QRSL1: variants seen among roughly 807,000 people sequenced by gnomAD.
The protein encoded by QRSL1 is glutamyl-tRNA(Gln) amidotransferase subunit A, mitochondrial.
QRSL1 carries 54 observed loss-of-function variants against 61.6 expected under a neutral mutation model. The observed-to-expected ratio is 0.88, with a 90% CI of 0.70 to 1.10. The LOEUF (loss-of-function observed/expected upper bound fraction) is 1.10. Ranked by LOEUF, QRSL1 falls within the 50% of genes least tolerant of loss-of-function variation. The pLI is 0.00. For missense variants in QRSL1, 505 were observed against 622.6 expected (o/e 0.81, Z 2.01); for synonymous variants, 228 against 225.7 (o/e 1.01, Z -0.09).
At chr6:106,644,047 T>C (rs937401489) in intron 4 of QRSL1, among the ~76,000 whole-genome samples, 3 of 152,066 alleles carry the variant, frequency 2.0e-5, no homozygotes, top group Non-Finnish European at 4.4e-5. Flanking sequence ...AAGTTTTGTA[T>C]TTTTAGTAGA....
intron 9 of QRSL1, among the ~76,000 whole-genome samples, chr6:106,658,917 T>C (rs1037400869): frequency 3.9e-5 from 6 of 152,182 alleles, no homozygotes; most frequent in Non-Finnish European, 7.3e-5. Context: ...TGTATATTAA[T>C]CTGCCTGATG....
rs7740531 is a variant in QRSL1 at position 106,635,820 on chromosome 6, G to A, written c.25-4529G>A. 4.7e-3 allele frequency among the ~76,000 whole-genome samples: 713 copies of A among 150,914 alleles called. 8 individuals are homozygous for A. Among genetic ancestry groups the A allele is most frequent in the African/African-American group, 0.017 (687 of 41,076 alleles). On this transcript the variant is annotated intron_variant, in intron 1 of 10. Coordinates refer to ENST00000369046, the MANE Select transcript of QRSL1 (RefSeq NM_018292.5). ...CGGGAGGCCAAGGTTGCAGTGAGCCGAGATCGCACCACTGCACTCCAGCCT... is the reference window on the plus strand; with the variant it reads ...CGGGAGGCCAAGGTTGCAGTGAGCCAAGATCGCACCACTGCACTCCAGCCT...
chr6:106,652,559 A>T lies in QRSL1; in HGVS notation c.826A>T (p.Lys276Ter). The change falls in exon 7 of 11, where the codon AAA becomes TAA. Residue 276 changes from lysine (K) to a stop codon, truncating the protein, a stop_gained. Coordinates refer to ENST00000369046, the MANE Select transcript of QRSL1 (RefSeq NM_018292.5). LOFTEE classifies it high-confidence loss of function. ...GCTTCCCAGTTTGGCAGATGTGAGCAAACTATGTATAGGAATTCCAAAGGT... is the reference window on the plus strand; with the variant it reads ...GCTTCCCAGTTTGGCAGATGTGAGCTAACTATGTATAGGAATTCCAAAGGT... Reference protein sequence around the residue: ...FMLPSLADVSKLCIGIPKEYL... With the variant: ...FMLPSLADVS 1 of 1,614,236 alleles carries T rather than the reference A, an allele frequency of 6.2e-7. No individual in the cohort carries two copies. The highest frequency in any genetic ancestry group is 1.6e-4 in the Middle Eastern group (1 of 6,062).
At chr6:106,662,288 T>C (rs959950096) in intron 9 of QRSL1, among the ~76,000 whole-genome samples, 32 of 152,196 alleles carry the variant, frequency 2.1e-4, no homozygotes, top group African/African-American at 7.2e-4. Flanking sequence ...CACCAATGAA[T>C]ATTCTGGTTT....
chr6:106,648,698 T>G (rs1025876951), intron 4 of QRSL1, among the ~76,000 whole-genome samples: 1 of 152,226 alleles, frequency 6.6e-6, no homozygotes, highest in African/African-American at 2.4e-5. Context: ...AGTTCTTAAC[T>G]GTTTGAATGT....
intron 1 of QRSL1, among the ~76,000 whole-genome samples, chr6:106,631,635 G>A (rs1776833911): frequency 6.6e-6 from 1 of 151,618 alleles, no homozygotes; most frequent in Non-Finnish European, 1.5e-5. Context: ...GTGCAAGGTT[G>A]TGTTTTTTGC....
chr6:106,660,708 C>T (rs924650534), intron 9 of QRSL1, among the ~76,000 whole-genome samples: 1 of 151,740 alleles, frequency 6.6e-6, no homozygotes, highest in African/African-American at 2.4e-5. Flanking sequence ...CGGAGATTTA[C>T]TGGCTCACAG....
chr6:106,632,366 TTTTA>T lies in QRSL1; in HGVS notation c.24+2673_24+2676del, dbSNP rs563525985. ...TTGCTGGATCGTATGGTAGTTCTAT[TTTTA>T]TTTATTTATTTTTAATTATTTTTTT... On this transcript the variant is annotated intron_variant, in intron 1 of 10. Coordinates refer to ENST00000369046, the MANE Select transcript of QRSL1 (RefSeq NM_018292.5). Among the ~76,000 whole-genome samples, 511 of 152,118 alleles carry T rather than the reference TTTTA, an allele frequency of 3.4e-3. 5 individuals are homozygous for T. The highest frequency in any genetic ancestry group is 0.012 in the African/African-American group (478 of 41,510).
chr6:106,665,347 A>G (rs1361787916), intron 10 of QRSL1, among the ~76,000 whole-genome samples: 2 of 152,228 alleles, frequency 1.3e-5, no homozygotes, highest in Non-Finnish European at 2.9e-5. Flanking sequence ...GGAATTTTGC[A>G]ATATCTAATT....
Position 106,652,375 on chromosome 6 carries a change from ATTGTG to A in QRSL1, c.728_732del (p.Val243GlyfsTer7), listed in dbSNP as rs1194270810. ...AACCAGATGTGTGGATGATGCAGCA[ATTGTG>A]TTGGGTATTTATATAATTCTATATC... On this transcript the variant is annotated frameshift_variant, in exon 6 of 11. Transcript: ENST00000369046. LOFTEE classifies it high-confidence loss of function. 6.2e-7 allele frequency: 1 copy of A among 1,614,040 alleles called. No homozygotes were observed. Among genetic ancestry groups the A allele is most frequent in the Non-Finnish European group, 8.5e-7 (1 of 1,180,020 alleles).
intron 9 of QRSL1, among the ~76,000 whole-genome samples, chr6:106,661,686 CTTTTTTTTTTTTTTTTTTTTT>C (rs572306794): frequency 1.3e-4 from 7 of 55,090 alleles, no homozygotes; most frequent in South Asian, 1.1e-3. Context: ...ATGGTTAGTT[CTTTTTTTTTTTTTTTTTTTTT>C]TTTTTTTTTT....
At chr6:106,642,086 T>G (rs1342898580) in intron 3 of QRSL1, among the ~76,000 whole-genome samples, 1 of 152,246 alleles carries the variant, frequency 6.6e-6, no homozygotes, top group Non-Finnish European at 1.5e-5. Context: ...AGACGGAGTC[T>G]TGCTCTGTCA....
At chr6:106,648,128 T>C (rs1336259864) in intron 4 of QRSL1, among the ~76,000 whole-genome samples, 1 of 151,472 alleles carries the variant, frequency 6.6e-6, no homozygotes, top group Admixed American at 6.6e-5. Context: ...AAACCCCGTC[T>C]CTACTGAAAA....
At chr6:106,635,230 A>C (rs1312207087) in intron 1 of QRSL1, among the ~76,000 whole-genome samples, 3 of 152,192 alleles carry the variant, frequency 2.0e-5, no homozygotes, top group Admixed American at 6.5e-5. Flanking sequence ...TTTGGAGGTC[A>C]ACAATAGGAA....
At chr6:106,645,765 A>G (rs145878003) in intron 4 of QRSL1, among the ~76,000 whole-genome samples, 3 of 152,168 alleles carry the variant, frequency 2.0e-5, no homozygotes, top group Admixed American at 6.5e-5. Context: ...TCAGTTTCTA[A>G]TTGTTTATTG....
Position 106,652,403 on chromosome 6 carries a change from A to T in QRSL1, c.733+19A>T, listed in dbSNP as rs1468815815. ...GTGTTGGGTATTTATATAATTCTATATCATTTGCAACAGCTTCTCTATAAA... is the reference window on the plus strand; with the variant it reads ...GTGTTGGGTATTTATATAATTCTATTTCATTTGCAACAGCTTCTCTATAAA... On this transcript the variant is annotated intron_variant, in intron 6 of 10. Coordinates refer to ENST00000369046, the MANE Select transcript of QRSL1 (RefSeq NM_018292.5). 6.2e-7 allele frequency: 1 copy of T among 1,613,738 alleles called. No homozygotes were observed. The highest frequency in any genetic ancestry group is 1.3e-5 in the African/African-American group (1 of 74,998).
chr6:106,637,775 TGCA>T (rs1776947436), intron 1 of QRSL1, among the ~76,000 whole-genome samples: 1 of 152,244 alleles, frequency 6.6e-6, no homozygotes, highest in African/African-American at 2.4e-5. Context: ...ATTTGACACC[TGCA>T]GTTTTGTCCT....
chr6:106,629,666 G>A lies in QRSL1; in HGVS notation c.-16G>A, dbSNP rs750036064. The stretch of plus-strand genomic sequence containing the variant: ...CCTTGCCTGGCTCCTGTGGTGGCAG[G>A]CTGGGCACGAGGACCATGCTGGGCC... On this transcript the variant is annotated 5_prime_UTR_variant, in exon 1 of 11. Coordinates refer to ENST00000369046, the MANE Select transcript of QRSL1 (RefSeq NM_018292.5). 6.2e-7 allele frequency: 1 copy of A among 1,603,142 alleles called. No homozygotes were observed.
Position 106,640,521 on chromosome 6 carries a change from T to C in QRSL1, c.184+13T>C. On this transcript the variant is annotated intron_variant, in intron 2 of 10. Coordinates refer to ENST00000369046, the MANE Select transcript of QRSL1 (RefSeq NM_018292.5). ...AGATATAAGAATGGTAAATTGCTTT[T>C]AACTATACTTAATTGTTATATCTCC... 1 of 1,528,856 alleles carries C rather than the reference T, an allele frequency of 6.5e-7. No individual in the cohort carries two copies. Among genetic ancestry groups the C allele is most frequent in the Non-Finnish European group, 8.8e-7 (1 of 1,137,816 alleles). The allele number at this position is 1,528,856 out of a possible 1,614,324, so 94.7% of individuals were successfully genotyped here.
Sources: gnomAD v4.1 joint callset for allele counts (sites outside exome capture counted in the v4.1 genomes callset) on GRCh38, gnomAD v4.1.1 for gene constraint, MANE v1.5 for transcripts, NCBI Gene and HGNC (gene_info 2026-07-23, HGNC 2026-07-21) for gene names.